The following THOC2 variants were observed in gnomAD, a reference collection of about 807,000 sequenced individuals.
THOC2 encodes the protein THO complex 2.
Under a neutral mutation model 128.4 loss-of-function variants are expected in THOC2, and 10 were observed. That is an observed-to-expected ratio of 0.08 (90% CI 0.05 to 0.13). The LOEUF (loss-of-function observed/expected upper bound fraction) is 0.13, where lower values mean the gene tolerates loss of function less well. Ranked by LOEUF, THOC2 falls within the 10% of genes least tolerant of loss-of-function variation. The pLI, the probability that THOC2 is intolerant of heterozygous loss-of-function variation, is 1.00. For missense variants in THOC2, 535 were observed against 1,155.7 expected (o/e 0.46, Z 7.79); for synonymous variants, 393 against 396.9 (o/e 0.99, Z 0.12).
At chrX:123,680,193 G>A (rs1407380229) in intron 8 of THOC2, among the ~76,000 whole-genome samples, 1 of 111,407 alleles carries the variant, frequency 9.0e-6, no homozygotes, top group Non-Finnish European at 1.9e-5. Flanking sequence ...GAATGTCTCG[G>A]TGTAAAACCC....
At chrX:123,602,140 A>G (rs1021636724) in intron 38 of THOC2, 50 of 112,812 alleles carry the variant, frequency 4.4e-4, no homozygotes, top group African/African-American at 1.5e-3. Flanking sequence ...CTACATTCAC[A>G]TATTTCTTAA....
intron 15 of THOC2, among the ~76,000 whole-genome samples, chrX:123,642,442 A>T (rs995543456): frequency 4.5e-5 from 5 of 110,635 alleles, no homozygotes; most frequent in African/African-American, 1.3e-4. Flanking sequence ...AAAAAAAAAA[A>T]AAAATAAGAA....
rs1335709801 is a variant in THOC2 at position 123,633,135 on chromosome X, T to C, written c.2137-95A>G. ...AAAAAAGTTGAGTTAAAATGCTTAATATAAAAAACTCCTACATTCCACATT... is the reference window on the plus strand; with the variant it reads ...AAAAAAGTTGAGTTAAAATGCTTAACATAAAAAACTCCTACATTCCACATT... On this transcript the variant is annotated intron_variant, in intron 20 of 38. Coordinates refer to ENST00000245838, the MANE Select transcript of THOC2 (RefSeq NM_001081550.2). 5 of 556,954 alleles carry C rather than the reference T, an allele frequency of 9.0e-6. No homozygotes were observed. The African/African-American group carries it at 1.2e-4, about 13-fold the overall frequency. 45.9% of individuals were successfully genotyped at this position (556,954 alleles called of 1,213,427 possible).
chrX:123,681,067 CGTAATTA>C (rs2147854090), intron 8 of THOC2, among the ~76,000 whole-genome samples: 1 of 111,026 alleles, frequency 9.0e-6, no homozygotes, highest in South Asian at 3.8e-4. Flanking sequence ...TCTGATAGCT[CGTAATTA>C]GTGGGAAAAT....
intron 4 of THOC2, among the ~76,000 whole-genome samples, chrX:123,703,006 T>C (rs1464648374): frequency 8.9e-6 from 1 of 111,818 alleles, no homozygotes; most frequent in Non-Finnish European, 1.9e-5. Flanking sequence ...TTTCTCATCC[T>C]CAAAACAAAA....
intron 38 of THOC2, among the ~76,000 whole-genome samples, chrX:123,604,883 G>A (rs1170264433): frequency 8.9e-6 from 1 of 111,872 alleles, no homozygotes; most frequent in Non-Finnish European, 1.9e-5. Context: ...GAAACTGTCA[G>A]GATTTTATTC....
chrX:123,661,721 A>T (rs1265654502), intron 12 of THOC2, among the ~76,000 whole-genome samples: 1 of 112,078 alleles, frequency 8.9e-6, no homozygotes, highest in Non-Finnish European at 1.9e-5. Context: ...CAATATATAT[A>T]GTAATAATTA....
intron 8 of THOC2, among the ~76,000 whole-genome samples, chrX:123,683,749 C>T (rs1246340556): frequency 9.1e-6 from 1 of 110,212 alleles, no homozygotes; most frequent in Non-Finnish European, 1.9e-5. Flanking sequence ...TACAGGCATG[C>T]GCCACCACAC....
chrX:123,616,062 C>T (rs1295425146), intron 33 of THOC2, among the ~76,000 whole-genome samples: 1 of 111,272 alleles, frequency 9.0e-6, no homozygotes, highest in Non-Finnish European at 1.9e-5. Context: ...TCCAGCAGTT[C>T]TCATTACTAG....
At chrX:123,635,812 C>T (rs2047651636) in intron 19 of THOC2, among the ~76,000 whole-genome samples, 1 of 111,484 alleles carries the variant, frequency 9.0e-6, no homozygotes, top group African/African-American at 3.3e-5. Flanking sequence ...TACTCAAAAG[C>T]CTAATAGGCA....
intron 2 of THOC2, among the ~76,000 whole-genome samples, chrX:123,709,037 A>C (rs2051063875): frequency 8.9e-6 from 1 of 112,135 alleles, no homozygotes; most frequent in Non-Finnish European, 1.9e-5. Context: ...GTGAGCCACC[A>C]GGCCCAGCCT....
At chrX:123,708,188 C>A (rs886488521) in intron 2 of THOC2, among the ~76,000 whole-genome samples, 2 of 111,111 alleles carry the variant, frequency 1.8e-5, no homozygotes, top group Admixed American at 9.6e-5. Flanking sequence ...GTACATAAAT[C>A]CCCCCTTAAT....
intron 2 of THOC2, among the ~76,000 whole-genome samples, chrX:123,707,274 AT>A (rs1203286836): frequency 9.0e-6 from 1 of 111,195 alleles, no homozygotes; most frequent in African/African-American, 3.3e-5. Context: ...ATTTTAAAGC[AT>A]TTTTTCATGC....
chrX:123,725,504 G>T (rs1416460472), intron 1 of THOC2, among the ~76,000 whole-genome samples: 1 of 105,941 alleles, frequency 9.4e-6, no homozygotes, highest in East Asian at 3.0e-4. Context: ...TACTTGGGAG[G>T]TTGAGCTGGG....
intron 7 of THOC2, among the ~76,000 whole-genome samples, chrX:123,692,494 CTTTTTTTTTTTTTTTT>C (rs984272905): frequency 1.8e-5 from 1 of 56,912 alleles, no homozygotes; most frequent in African/African-American, 8.1e-5. Flanking sequence ...AAATAACTGC[CTTTTTTTTTTTTTTTT>C]TTTTTTTTTG....
intron 4 of THOC2, among the ~76,000 whole-genome samples, chrX:123,699,523 TC>T (rs376139198): frequency 2.7e-5 from 3 of 111,999 alleles, no homozygotes; most frequent in Non-Finnish European, 3.8e-5. Context: ...TATCTGGTTT[TC>T]TGGTCCCTCC....
intron 9 of THOC2, among the ~76,000 whole-genome samples, chrX:123,670,702 A>C (rs1231675829): frequency 8.9e-6 from 1 of 112,618 alleles, no homozygotes; most frequent in Non-Finnish European, 1.9e-5. Flanking sequence ...AGATGGTCCT[A>C]CTTGTCTATC....
chrX:123,686,474 AAAAC>A lies in THOC2; in HGVS notation c.768+70_768+73del, dbSNP rs1432193461. ...GAGATGAGACCAATCATTTACAAAT[AAAAC>A]AAATTAAATTATATAAACAAGATTA... On this transcript the variant is annotated intron_variant, in intron 8 of 38. Coordinates refer to ENST00000245838, the MANE Select transcript of THOC2 (RefSeq NM_001081550.2). 5.7e-6 allele frequency: 5 copies of A among 875,568 alleles called. No homozygotes were observed. In the African/African-American group the frequency reaches 8.1e-5, roughly 14 times the overall value. The allele number at this position is 875,568 out of a possible 1,213,427, so 72.2% of individuals were successfully genotyped here. A position where few individuals can be genotyped will look rare whatever the true frequency, so the allele number is the denominator to read the frequency against.
rs1486258262 is a variant in THOC2, at chrX:123,621,189, A to G, written c.4184T>C (p.Val1395Ala). The G allele has an allele frequency of 8.3e-7, 1 of 1,206,591 alleles. No individual in the cohort carries two copies. The highest frequency in any genetic ancestry group is 1.8e-5 in the African/African-American group (1 of 56,835). ...AGGCTCTGGAATATCTGATCTGGGA[A>G]CAGGTGATTTCAAGGACCCAGAAAC... ...TPVSGSLKSP[V>A]PRSDIPEPER... Residue 1395 changes from valine to alanine, a missense_variant, in exon 31 of 39, where the codon GTT (valine) becomes GCT (alanine). Val to Ala is a moderately conservative substitution (Grantham distance 64). This residue lies in a region of THOC2 where 116 missense variants were observed against 180.0 expected (regional missense o/e 0.64). Coordinates refer to ENST00000245838, the MANE Select transcript of THOC2 (RefSeq NM_001081550.2).
Sources: gnomAD v4.1 joint callset for allele counts (sites outside exome capture counted in the v4.1 genomes callset) on GRCh38, gnomAD v4.1.1 for gene constraint, gnomAD v4.1.1 regional missense constraint, MANE v1.5 for transcripts, NCBI Gene and HGNC (gene_info 2026-07-23, HGNC 2026-07-21) for gene names.